The following COLQ variants were observed in gnomAD, a reference collection of about 807,000 sequenced individuals.
The protein encoded by COLQ is collagen like tail subunit of asymmetric acetylcholinesterase.
COLQ carries 48 observed loss-of-function variants against 69.0 expected under a neutral mutation model. That is an observed-to-expected ratio of 0.70 (90% CI 0.55 to 0.88). The LOEUF is 0.88. Ranked by LOEUF, COLQ falls within the 40% of genes least tolerant of loss-of-function variation. The pLI, the probability that COLQ is intolerant of heterozygous loss-of-function variation, is 0.00. For synonymous variants in COLQ, 217 were observed against 211.2 expected, an observed-to-expected ratio of 1.03 and a Z score of -0.24; for missense variants, 618 against 594.6, an observed-to-expected ratio of 1.04 and a Z score of -0.41.
At chr3:15,463,931 CAT>C (rs1446095496) in intron 12 of COLQ, among the ~76,000 whole-genome samples, 1 of 152,238 alleles carries the variant, frequency 6.6e-6, no homozygotes, top group Non-Finnish European at 1.5e-5. Flanking sequence ...GCGCAGCAAA[CAT>C]AAGTTATTAC....
intron 1 of COLQ, among the ~76,000 whole-genome samples, chr3:15,495,863 AC>A (rs1432099532): frequency 1.3e-5 from 2 of 152,154 alleles, no homozygotes; most frequent in African/African-American, 4.8e-5. Flanking sequence ...GCAGGTTCAC[AC>A]CAATCCCGGA....
intron 2 of COLQ, among the ~76,000 whole-genome samples, chr3:15,488,855 C>A (rs918594761): frequency 1.3e-5 from 2 of 152,192 alleles, no homozygotes. Flanking sequence ...TTTACACTTA[C>A]AGCACACCTC....
At chr3:15,518,000 C>CA (rs2063085485) in intron 1 of COLQ, among the ~76,000 whole-genome samples, 1 of 152,078 alleles carries the variant, frequency 6.6e-6, no homozygotes, top group Non-Finnish European at 1.5e-5. Flanking sequence ...GGTTGGAGTG[C>CA]AATGGCGCGA....
At chr3:15,500,463 A>G (rs1268617943) in intron 1 of COLQ, among the ~76,000 whole-genome samples, 1 of 152,160 alleles carries the variant, frequency 6.6e-6, no homozygotes, top group African/African-American at 2.4e-5. Flanking sequence ...TTTTTTAACC[A>G]CATGGCATCA....
intron 1 of COLQ, among the ~76,000 whole-genome samples, chr3:15,518,008 C>T (rs1381190841): frequency 1.3e-5 from 2 of 152,106 alleles, no homozygotes; most frequent in Admixed American, 6.5e-5. Context: ...TGCAATGGCG[C>T]GATCTCAGCT....
At chr3:15,517,415 G>A (rs1256856513) in intron 1 of COLQ, among the ~76,000 whole-genome samples, 2 of 152,120 alleles carry the variant, frequency 1.3e-5, no homozygotes, top group South Asian at 2.1e-4. Flanking sequence ...GGAGTGCTGC[G>A]AGAATTACAC....
chr3:15,465,774 T>G (rs989268588), intron 12 of COLQ, among the ~76,000 whole-genome samples: 1 of 151,790 alleles, frequency 6.6e-6, no homozygotes, highest in Non-Finnish European at 1.5e-5. Context: ...TGTATTTTTG[T>G]ATTTTAGCAA....
intron 12 of COLQ, among the ~76,000 whole-genome samples, chr3:15,465,126 A>G (rs1163208384): frequency 6.6e-6 from 1 of 151,984 alleles, no homozygotes; most frequent in Non-Finnish European, 1.5e-5. Flanking sequence ...GTGAGCCAAG[A>G]TCGCACCACT....
chr3:15,491,064 G>T (rs2062658407), intron 1 of COLQ, among the ~76,000 whole-genome samples: 1 of 152,132 alleles, frequency 6.6e-6, no homozygotes, highest in African/African-American at 2.4e-5. Flanking sequence ...CCTACCTAAT[G>T]AATCCAGTGG....
At chr3:15,466,296 G>A (rs764323191) in intron 12 of COLQ, 45 bp downstream of exon 12, 1 of 1,414,124 alleles carries the variant, frequency 7.1e-7, no homozygotes, top group South Asian at 1.2e-5. Context: ...TGGGAGGCTG[G>A]CCAGTACTCC....
intron 1 of COLQ, among the ~76,000 whole-genome samples, chr3:15,499,728 G>A (rs556358426): frequency 6.6e-6 from 1 of 152,268 alleles, no homozygotes; most frequent in South Asian, 2.1e-4. Context: ...CACAGTTCCC[G>A]CCCTTGGAAT....
intron 1 of COLQ, among the ~76,000 whole-genome samples, chr3:15,501,077 C>T (rs2062822724): frequency 6.6e-6 from 1 of 152,216 alleles, no homozygotes. Flanking sequence ...ACAATCTTTG[C>T]CCTCAAGTTC....
At chr3:15,489,190 G>A (rs1365202576) in intron 2 of COLQ, among the ~76,000 whole-genome samples, 1 of 152,220 alleles carries the variant, frequency 6.6e-6, no homozygotes, top group Non-Finnish European at 1.5e-5. Flanking sequence ...AACAGAAGGG[G>A]AAATTCCATG....
At chr3:15,479,067 C>A in intron 4 of COLQ, 64 bp from the exon 5 acceptor site, 1 of 1,594,898 alleles carries the variant, frequency 6.3e-7, no homozygotes, top group South Asian at 1.1e-5. Context: ...AAGCAGAAGC[C>A]TTAGTAGAGC....
At position 15,475,524 on chromosome 3, in the gene COLQ, A is replaced by AT. The variant is rs1322929381; in HGVS notation, c.466-38dup. ...AGAAGAAGAAAAGACCCACGGTGATATTTTTTAGAGAAACTGAACCAGGAA... is the reference window on the plus strand; with the variant it reads ...AGAAGAAGAAAAGACCCACGGTGATATTTTTTTAGAGAAACTGAACCAGGAA... On this transcript the variant is annotated intron_variant, in intron 6 of 16. Coordinates refer to ENST00000383788, the MANE Select transcript of COLQ (RefSeq NM_005677.4). The AT allele has an allele frequency of 5.8e-6, 9 of 1,545,512 alleles. No individual in the cohort carries two copies. In the South Asian group the frequency reaches 8.3e-5, roughly 14 times the overall value.
At chr3:15,468,644 T>C (rs2062237187) in intron 11 of COLQ, among the ~76,000 whole-genome samples, 1 of 152,166 alleles carries the variant, frequency 6.6e-6, no homozygotes, top group African/African-American at 2.4e-5. Context: ...GAGAAGATTT[T>C]TATAATAAAG....
At chr3:15,475,401 C>T (rs773603062) in intron 7 of COLQ, 24 bp downstream of exon 7, 30 of 1,577,378 alleles carry the variant, frequency 1.9e-5, no homozygotes, top group South Asian at 8.1e-5. Flanking sequence ...GATCTGGGAA[C>T]GTCCATTTGG....
At chr3:15,467,551 G>A (rs1245457309) in intron 11 of COLQ, among the ~76,000 whole-genome samples, 1 of 152,210 alleles carries the variant, frequency 6.6e-6, no homozygotes, top group Non-Finnish European at 1.5e-5. Context: ...TGCCTATTCT[G>A]GGAGTATCAA....
At chr3:15,502,032 G>A (rs1223778651) in intron 1 of COLQ, among the ~76,000 whole-genome samples, 1 of 150,790 alleles carries the variant, frequency 6.6e-6, no homozygotes, top group East Asian at 1.9e-4. Context: ...CAATGGTTTT[G>A]TTTACTCAGG....
Sources: gnomAD v4.1 joint callset for allele counts (sites outside exome capture counted in the v4.1 genomes callset) on GRCh38, gnomAD v4.1.1 for gene constraint, MANE v1.5 for transcripts, NCBI Gene and HGNC (gene_info 2026-07-23, HGNC 2026-07-21) for gene names.